Variants in FBXW11 observed in about 807,000 individuals in gnomAD.
The protein encoded by FBXW11 is F-box/WD repeat-containing protein 11.
Under a neutral mutation model 77.6 loss-of-function variants are expected in FBXW11, and 19 were observed. The observed-to-expected ratio is 0.24, with a 90% CI of 0.17 to 0.36. The LOEUF (loss-of-function observed/expected upper bound fraction) is 0.36. Among genes scored for constraint, FBXW11 ranks in the 10% least tolerant of loss-of-function variants. The pLI, the probability that FBXW11 is intolerant of heterozygous loss-of-function variation, is 1.00. For synonymous variants in FBXW11, 235 were observed against 249.4 expected (o/e 0.94, Z 0.54); for missense variants, 334 against 704.2 (o/e 0.47, Z 5.95).
rs765047431 is a variant in FBXW11 at position 171,899,104 on chromosome 5, A to C, written c.624-10T>G. The C allele has an allele frequency of 1.9e-6, 3 of 1,566,446 alleles. No individual in the cohort carries two copies. The African/African-American group carries it at 4.1e-5, about 21-fold the overall frequency. ...AAACAGGTACTGATCCCTGGCAAATAAAAACAAACAGATGTTACATTTTTG... is the reference window on the plus strand; with the variant it reads ...AAACAGGTACTGATCCCTGGCAAATCAAAACAAACAGATGTTACATTTTTG... On this transcript the variant is annotated splice_polypyrimidine_tract_variant and intron_variant, in intron 5 of 13. Transcript: ENST00000517395.
Position 171,916,151 on chromosome 5 carries a change from A to G in FBXW11, c.148-1746T>C, listed in dbSNP as rs180937523. On this transcript the variant is annotated intron_variant, in intron 2 of 13. Transcript: ENST00000517395. Reference sequence around the variant, plus strand: ...TATACCTAATGTAAATGACGAGTTAATGGGTGGAGCATACCAACATGGCAC... The same window carrying G: ...TATACCTAATGTAAATGACGAGTTAGTGGGTGGAGCATACCAACATGGCAC... Among the ~76,000 whole-genome samples the G allele has an allele frequency of 3.7e-3, 567 of 151,574 alleles. 4 individuals are homozygous for G. Among genetic ancestry groups the G allele is most frequent in the Non-Finnish European group, 5.8e-3 (393 of 67,922 alleles).
Position 171,904,297 on chromosome 5 carries a change from T to C in FBXW11, c.437-4197A>G, listed in dbSNP as rs1036029091. ...GTTACAGTGCAAGACTCTGTCTTTT[T>C]TTAAAAAAAATAAAAAATAAAAAGA... On this transcript the variant is annotated intron_variant, in intron 4 of 13. Transcript: ENST00000517395. This position sits in a 1 kb window ranked among gnomAD's most constrained non-coding sequence, Gnocchi z 4.0. Among the ~76,000 whole-genome samples, 1 of 152,002 alleles carries C rather than the reference T, an allele frequency of 6.6e-6. No individual in the cohort carries two copies. Among genetic ancestry groups the C allele is most frequent in the Non-Finnish European group, 1.5e-5 (1 of 68,006 alleles).
chr5:171,999,824 G>A (rs1222850038), intron 1 of FBXW11, among the ~76,000 whole-genome samples: 1 of 144,622 alleles, frequency 6.9e-6, no homozygotes, highest in Middle Eastern at 3.2e-3. Context: ...AAGAGCCAAA[G>A]CTTTTTTTTT....
intron 1 of FBXW11, among the ~76,000 whole-genome samples, chr5:171,958,085 G>A (rs887547272): frequency 3.0e-4 from 45 of 152,146 alleles, no homozygotes; most frequent in African/African-American, 1.1e-3. Flanking sequence ...AATTGTCATC[G>A]TTGTTTAAGA....
At chr5:171,888,042 A>C (rs1253565217) in intron 7 of FBXW11, among the ~76,000 whole-genome samples, 2 of 152,232 alleles carry the variant, frequency 1.3e-5, no homozygotes, top group Non-Finnish European at 2.9e-5. Flanking sequence ...CAAAACATGC[A>C]GCTAAAATTC....
intron 6 of FBXW11, among the ~76,000 whole-genome samples, chr5:171,894,688 CTT>C (rs142463470): frequency 0.78 from 101,994 of 130,204 alleles, 41,506 homozygotes; most frequent in East Asian, 0.97. Context: ...TAACCCAGGT[CTT>C]TTTTTTTTTT....
At chr5:171,952,960 G>T (rs1221682960) in intron 2 of FBXW11, among the ~76,000 whole-genome samples, 1 of 151,606 alleles carries the variant, frequency 6.6e-6, no homozygotes, top group African/African-American at 2.4e-5. Flanking sequence ...GTCCAGGGAA[G>T]ACAAAAGATT....
Position 172,006,581 on chromosome 5 carries a change from C to T in FBXW11, c.-79G>A. On this transcript the variant is annotated 5_prime_UTR_variant, in exon 1 of 14. Transcript: ENST00000517395. ...GCGGAGGAGGCGACGGCGGAGGCGG[C>T]AGAGGCGGAGGCGGCTATCGCACCC... 1 of 1,417,970 alleles carries T rather than the reference C, an allele frequency of 7.1e-7. No homozygotes were observed. Among genetic ancestry groups the T allele is most frequent in the Non-Finnish European group, 9.2e-7 (1 of 1,083,826 alleles). 87.8% of individuals were successfully genotyped at this position (1,417,970 alleles called of 1,614,324 possible). A position where few individuals can be genotyped will look rare whatever the true frequency, so the allele number is the denominator to read the frequency against.
intron 1 of FBXW11, among the ~76,000 whole-genome samples, chr5:171,967,883 T>TATATATATATATATACACACACACACAC (rs1244744249): frequency 1.3e-5 from 1 of 74,976 alleles, no homozygotes; most frequent in African/African-American, 5.9e-5. Context: ...TATATATATA[T>TATATATATATATATACACACACACACAC]ACACACACAC....
rs560297322 is a variant in FBXW11 at position 171,876,960 on chromosome 5, T to G, written c.972-426A>C. On this transcript the variant is annotated intron_variant, in intron 8 of 13. Coordinates refer to ENST00000517395, the MANE Select transcript of FBXW11 (RefSeq NM_001378974.1). The surrounding 1 kb of genome is among the most constrained non-coding windows in gnomAD (Gnocchi z 4.2). ...GCTTCTTGCAGAGCCTGCAGAACCA[T>G]GAGTCAAATACACCCCTTTTCTTTA... Among the ~76,000 whole-genome samples the G allele has an allele frequency of 3.3e-5, 5 of 152,296 alleles. No individual in the cohort carries two copies. Among genetic ancestry groups the G allele is most frequent in the African/African-American group, 1.2e-4 (5 of 41,554 alleles).
At chr5:171,951,804 T>A (rs1328478065) in intron 2 of FBXW11, among the ~76,000 whole-genome samples, 1 of 152,108 alleles carries the variant, frequency 6.6e-6, no homozygotes, top group Non-Finnish European at 1.5e-5. Context: ...TGTTTAAAAA[T>A]TTTTTAATGC....
At chr5:171,943,020 A>G (rs1382327570) in intron 2 of FBXW11, among the ~76,000 whole-genome samples, 2 of 151,978 alleles carry the variant, frequency 1.3e-5, no homozygotes, top group Non-Finnish European at 2.9e-5. Context: ...TCAATTTTTC[A>G]TTTCTTATTG....
intron 2 of FBXW11, among the ~76,000 whole-genome samples, chr5:171,936,050 G>T (rs113644577): frequency 6.4e-4 from 95 of 148,544 alleles, no homozygotes; most frequent in African/African-American, 2.2e-3. Context: ...GGCAGAGGTT[G>T]CAGTGAGCCA....
At chr5:171,918,609 T>C (rs1285283354) in intron 2 of FBXW11, among the ~76,000 whole-genome samples, 1 of 152,206 alleles carries the variant, frequency 6.6e-6, no homozygotes, top group African/African-American at 2.4e-5. Context: ...CCAAGGAGCA[T>C]CACACGTAAA....
rs568612064 is a variant in FBXW11 at position 171,967,764 on chromosome 5, G to A, written c.46-10066C>T. Among the ~76,000 whole-genome samples the A allele has an allele frequency of 2.3e-3, 353 of 151,160 alleles. 3 individuals are homozygous for A. Among genetic ancestry groups the A allele is most frequent in the African/African-American group, 8.3e-3 (339 of 40,932 alleles). ...TGAGGCAGGAGAATCGCTTGAACCC[G>A]GGAGGCGGAGGTTGCTGTGAGCCAA... On this transcript the variant is annotated intron_variant, in intron 1 of 13. Transcript: ENST00000517395.
chr5:172,006,415 CCGGA>C, intron 1 of FBXW11, 39 bp downstream of exon 1: 1 of 1,513,128 alleles, frequency 6.6e-7, no homozygotes, highest in Non-Finnish European at 8.9e-7. Context: ...CCGCCCGGGG[CCGGA>C]CGGACGGAAG....
intron 2 of FBXW11, among the ~76,000 whole-genome samples, chr5:171,955,861 A>G (rs940511449): frequency 2.0e-5 from 3 of 152,214 alleles, no homozygotes; most frequent in African/African-American, 7.2e-5. Flanking sequence ...AATTTCACTA[A>G]GAAAGATGAG....
chr5:171,990,829 T>A (rs766489623), intron 1 of FBXW11, among the ~76,000 whole-genome samples: 1 of 152,114 alleles, frequency 6.6e-6, no homozygotes, highest in Non-Finnish European at 1.5e-5. Flanking sequence ...TTTCGCTGGT[T>A]ACTCCCTTTT....
At chr5:171,875,848 T>C (rs1050986883) in intron 9 of FBXW11, among the ~76,000 whole-genome samples, 2 of 152,118 alleles carry the variant, frequency 1.3e-5, no homozygotes, top group Admixed American at 6.5e-5. Context: ...TCCTCAAAAT[T>C]AGGTGAATAA....
Sources: allele counts gnomAD v4.1 joint callset (sites outside exome capture counted in the v4.1 genomes callset), GRCh38; gene constraint gnomAD v4.1.1; non-coding constraint Gnocchi (gnomAD v3.1); transcripts MANE v1.5; gene names NCBI Gene and HGNC (gene_info 2026-07-23, HGNC 2026-07-21).